Variants in NOL10 observed in about 807,000 individuals in gnomAD.
The protein encoded by NOL10 is H_NH0074G24.1.
A neutral mutation model predicts 103.5 loss-of-function variants in NOL10; 58 were observed. The ratio of observed to expected loss-of-function variants is 0.56; its 90% CI spans 0.45 to 0.70. NOL10 has a LOEUF of 0.70. NOL10 is among the 30% of genes least tolerant of loss of function. The probability of loss-of-function intolerance (pLI) is 0.00; values close to 1 mark genes in which losing one functional copy is unlikely to be tolerated. For synonymous variants in NOL10, 287 were observed against 282.5 expected, an observed-to-expected ratio of 1.02 and a Z score of -0.16; for missense variants, 763 against 807.3, an observed-to-expected ratio of 0.95 and a Z score of 0.67.
At chr2:10,635,931 G>GC (rs531717363) in intron 13 of NOL10, among the ~76,000 whole-genome samples, 334 of 152,268 alleles carry the variant, frequency 2.2e-3, no homozygotes, top group African/African-American at 7.7e-3. Context: ...TGTCACCCAG[G>GC]CTGGAGTGCG....
chr2:10,627,699 CAAAA>C (rs111536913), intron 13 of NOL10, among the ~76,000 whole-genome samples: 4 of 135,116 alleles, frequency 3.0e-5, no homozygotes, highest in Admixed American at 1.5e-4. Context: ...AACAAACAAA[CAAAA>C]AAAAACAAAC....
chr2:10,580,340 C>T (rs1311758257), intron 19 of NOL10, among the ~76,000 whole-genome samples: 1 of 152,082 alleles, frequency 6.6e-6, no homozygotes, highest in Non-Finnish European at 1.5e-5. Flanking sequence ...GCAGAATTGG[C>T]CTTTCCCTCC....
intron 19 of NOL10, among the ~76,000 whole-genome samples, chr2:10,587,438 G>GTT (rs1255560018): frequency 6.7e-6 from 1 of 150,018 alleles, no homozygotes; most frequent in African/African-American, 2.5e-5. Flanking sequence ...ACCCAGCTAA[G>GTT]TTTTATATTT....
chr2:10,639,174 G>C (rs1449258667), intron 13 of NOL10, among the ~76,000 whole-genome samples: 4 of 151,386 alleles, frequency 2.6e-5, no homozygotes, highest in Non-Finnish European at 5.9e-5. Flanking sequence ...TGTAATCCCA[G>C]CACTTTGGGA....
chr2:10,624,744 C>T (rs905173152), intron 13 of NOL10, among the ~76,000 whole-genome samples: 1 of 151,936 alleles, frequency 6.6e-6, no homozygotes, highest in Admixed American at 6.5e-5. Flanking sequence ...GTATTGTGAC[C>T]ATATGACATA....
intron 9 of NOL10, among the ~76,000 whole-genome samples, chr2:10,661,464 C>T (rs902025362): frequency 3.5e-5 from 5 of 144,892 alleles, no homozygotes; most frequent in African/African-American, 5.1e-5. Flanking sequence ...CTCTGCCTCC[C>T]GGGTTCAGGC....
chr2:10,680,191 C>T (rs1681637864), intron 3 of NOL10, among the ~76,000 whole-genome samples: 1 of 151,866 alleles, frequency 6.6e-6, no homozygotes, highest in Non-Finnish European at 1.5e-5. Flanking sequence ...ACAGGAGAAT[C>T]GCTTGAACCC....
At chr2:10,638,338 GTAACGTA>G (rs1558311350) in intron 13 of NOL10, among the ~76,000 whole-genome samples, 19 of 131,642 alleles carry the variant, frequency 1.4e-4, no homozygotes, top group Non-Finnish European at 2.3e-4. Flanking sequence ...GTGACGTAAC[GTAACGTA>G]ACGTAACGTA....
intron 18 of NOL10, 56 bp downstream of exon 18, chr2:10,589,522 G>T: frequency 1.5e-6 from 2 of 1,375,066 alleles, no homozygotes; most frequent in South Asian, 1.5e-5. Flanking sequence ...AACTTACAAA[G>T]AAAACATTAC....
intron 13 of NOL10, among the ~76,000 whole-genome samples, chr2:10,617,515 G>A (rs1218514494): frequency 6.6e-6 from 1 of 152,124 alleles, no homozygotes; most frequent in African/African-American, 2.4e-5. Flanking sequence ...GGGACCTGGG[G>A]GAGGGACTGA....
chr2:10,583,121 C>G (rs1182139901), intron 19 of NOL10, among the ~76,000 whole-genome samples: 1 of 152,186 alleles, frequency 6.6e-6, no homozygotes, highest in Non-Finnish European at 1.5e-5. Context: ...TTGGCCCTTT[C>G]CAGTTTTCCT....
At chr2:10,584,226 A>G (rs755895921) in intron 19 of NOL10, among the ~76,000 whole-genome samples, 1 of 152,090 alleles carries the variant, frequency 6.6e-6, no homozygotes, top group Non-Finnish European at 1.5e-5. Context: ...CTTTCCCATG[A>G]GCGCTTCAGG....
chr2:10,654,023 T>C (rs922345681), intron 12 of NOL10, among the ~76,000 whole-genome samples: 1 of 152,228 alleles, frequency 6.6e-6, no homozygotes, highest in Non-Finnish European at 1.5e-5. Context: ...AAACCTAACA[T>C]GTAAATTGCT....
chr2:10,660,534 T>C (rs1680128026), intron 9 of NOL10, among the ~76,000 whole-genome samples: 1 of 152,102 alleles, frequency 6.6e-6, no homozygotes, highest in African/African-American at 2.4e-5. Flanking sequence ...CCCAGGCTGG[T>C]ATTGAACTCC....
rs1312199517 is a variant in NOL10 at position 10,587,130 on chromosome 2, C to T, written c.1844+1913G>A. ...ATATACATATATATACATATATATA[C>T]ATATATACACATATATATACATATA... On this transcript the variant is annotated intron_variant, in intron 19 of 20. Coordinates refer to ENST00000381685, the MANE Select transcript of NOL10 (RefSeq NM_024894.4). Among the ~76,000 whole-genome samples, 12 of 31,764 alleles carry T rather than the reference C, an allele frequency of 3.8e-4. 2 individuals carry two copies. The highest frequency in any genetic ancestry group is 1.6e-3 in the African/African-American group (8 of 5,078). The allele number at this position is 31,764 out of a possible 152,430, so 20.8% of individuals were successfully genotyped here.
chr2:10,632,282 T>A (rs1677900093), intron 13 of NOL10, among the ~76,000 whole-genome samples: 2 of 152,128 alleles, frequency 1.3e-5, no homozygotes, highest in African/African-American at 4.8e-5. Flanking sequence ...AATATAGACG[T>A]AAAGAAGTAA....
At position 10,679,678 on chromosome 2, in the gene NOL10, C is replaced by T. The variant is rs572807108; in HGVS notation, c.211+2293G>A. On this transcript the variant is annotated intron_variant, in intron 3 of 20. Transcript: ENST00000381685. ...TCTCGCTCTGTTGCCCAGGGTGGAGCGCAGTGGCGCGATCCTGGCTTACTG... is the reference window on the plus strand; with the variant it reads ...TCTCGCTCTGTTGCCCAGGGTGGAGTGCAGTGGCGCGATCCTGGCTTACTG... Among the ~76,000 whole-genome samples, 49 of 152,072 alleles carry T rather than the reference C, an allele frequency of 3.2e-4. No individual in the cohort carries two copies. The South Asian group carries it at 9.3e-3, about 29-fold the overall frequency.
At chr2:10,585,106 G>A (rs10174605) in intron 19 of NOL10, among the ~76,000 whole-genome samples, 52,291 of 152,072 alleles carry the variant, frequency 0.34, 9,422 homozygotes, top group Non-Finnish European at 0.4. Context: ...GTTGCCTGAT[G>A]TGTTGTCATG....
intron 11 of NOL10, among the ~76,000 whole-genome samples, chr2:10,655,387 C>T (rs1479434775): frequency 6.6e-6 from 1 of 152,098 alleles, no homozygotes; most frequent in Non-Finnish European, 1.5e-5. Context: ...GCCATGCCTG[C>T]ACCGCAAGGT....
Sources: allele counts gnomAD v4.1 joint callset (sites outside exome capture counted in the v4.1 genomes callset), GRCh38; gene constraint gnomAD v4.1.1; transcripts MANE v1.5; gene names NCBI Gene and HGNC (gene_info 2026-07-23, HGNC 2026-07-21).